Variants in SUMF1 observed in about 807,000 individuals in gnomAD.
The protein encoded by SUMF1 is formylglycine-generating enzyme.
SUMF1 carries 48 observed loss-of-function variants against 47.6 expected under a neutral mutation model. The observed-to-expected ratio is 1.01, with a 90% CI of 0.80 to 1.28. The LOEUF is 1.28. Among genes scored for constraint, SUMF1 ranks in the 50% most tolerant of loss-of-function variants. SUMF1 has a pLI of 0.00. For synonymous variants in SUMF1, 230 were observed against 192.1 expected (o/e 1.20, Z -1.63); for missense variants, 571 against 485.4 (o/e 1.18, Z -1.66).
At chr3:4,098,967 G>C (rs1559468987) in intron 8 of SUMF1, among the ~76,000 whole-genome samples, 1 of 152,046 alleles carries the variant, frequency 6.6e-6, no homozygotes, top group African/African-American at 2.4e-5. Flanking sequence ...ATGTGCTAGG[G>C]CCTCAGAAAA....
intron 8 of SUMF1, among the ~76,000 whole-genome samples, chr3:4,234,223 A>G (rs1034709475): frequency 2.0e-5 from 3 of 151,886 alleles, no homozygotes; most frequent in African/African-American, 7.2e-5. Flanking sequence ...TTAAAGTCAG[A>G]GGTTGAATAA....
At chr3:4,288,311 T>A (rs1360630772) in intron 8 of SUMF1, among the ~76,000 whole-genome samples, 11 of 152,192 alleles carry the variant, frequency 7.2e-5, no homozygotes, top group Admixed American at 7.2e-4. Flanking sequence ...AAAAATGTCA[T>A]CAGCTTTAGG....
At chr3:4,376,116 G>C (rs1160648562) in intron 8 of SUMF1, among the ~76,000 whole-genome samples, 1 of 152,210 alleles carries the variant, frequency 6.6e-6, no homozygotes, top group Non-Finnish European at 1.5e-5. Context: ...AAATTTGGTT[G>C]ACAATAGGTC....
chr3:4,215,363 C>G (rs750909495), intron 8 of SUMF1, among the ~76,000 whole-genome samples: 1 of 152,070 alleles, frequency 6.6e-6, no homozygotes, highest in Non-Finnish European at 1.5e-5. Flanking sequence ...ATGCTAAAAA[C>G]TAAATTAACT....
At chr3:4,348,739 G>T (rs889148003) in intron 8 of SUMF1, among the ~76,000 whole-genome samples, 3 of 152,014 alleles carry the variant, frequency 2.0e-5, no homozygotes, top group Non-Finnish European at 4.4e-5. Flanking sequence ...GCCAGGTGTG[G>T]TGGCACATGC....
intron 8 of SUMF1, among the ~76,000 whole-genome samples, chr3:4,094,496 T>C (rs1001353280): frequency 6.6e-6 from 1 of 152,018 alleles, no homozygotes; most frequent in Non-Finnish European, 1.5e-5. Context: ...AAAGTCATGA[T>C]GGAGAGGTCA....
chr3:4,167,118 C>G (rs2125119852), intron 8 of SUMF1, among the ~76,000 whole-genome samples: 1 of 152,194 alleles, frequency 6.6e-6, no homozygotes, highest in South Asian at 2.1e-4. Flanking sequence ...TTCATGATCT[C>G]ACTAACTTCA....
At chr3:4,253,270 G>C (rs374542028) in intron 8 of SUMF1, among the ~76,000 whole-genome samples, 2 of 152,140 alleles carry the variant, frequency 1.3e-5, no homozygotes, top group Non-Finnish European at 2.9e-5. Context: ...CAAGATGGCC[G>C]AATAGGAACA....
downstream of SUMF1, among the ~76,000 whole-genome samples, chr3:4,357,639 G>A (rs188706347): frequency 0.012 from 1,802 of 149,190 alleles, 35 homozygotes; most frequent in African/African-American, 0.042. Flanking sequence ...ACGGAGTTTC[G>A]CTCTTGTCAC....
intron 7 of SUMF1, among the ~76,000 whole-genome samples, chr3:4,409,012 T>C (rs1196543346): frequency 6.6e-6 from 1 of 151,966 alleles, no homozygotes; most frequent in Non-Finnish European, 1.5e-5. Context: ...TTAAAAAATA[T>C]TTTACACTTT....
At chr3:4,457,950 T>C (rs1223083592) in intron 1 of SUMF1, among the ~76,000 whole-genome samples, 1 of 152,138 alleles carries the variant, frequency 6.6e-6, no homozygotes, top group Non-Finnish European at 1.5e-5. Context: ...AGTGAAGAGA[T>C]ATCCCAGAAT....
chr3:4,120,615 AG>A (rs746640960), intron 8 of SUMF1, among the ~76,000 whole-genome samples: 1 of 152,098 alleles, frequency 6.6e-6, no homozygotes, highest in Non-Finnish European at 1.5e-5. Context: ...TAAGAAGGAA[AG>A]GGTCCCTCTC....
intron 1 of SUMF1, among the ~76,000 whole-genome samples, chr3:4,454,925 G>A (rs922784056): frequency 1.3e-5 from 2 of 152,212 alleles, no homozygotes; most frequent in Non-Finnish European, 2.9e-5. Context: ...GGGGGAGGCA[G>A]GAATGGGGAA....
intron 7 of SUMF1, 84 bp from the exon 8 acceptor site, chr3:4,376,473 C>T (rs1700333993): frequency 5.7e-6 from 8 of 1,402,728 alleles, no homozygotes; most frequent in Non-Finnish European, 8.1e-6. Context: ...TTTGATCCAA[C>T]CAGCTCTCTC....
intron 8 of SUMF1, among the ~76,000 whole-genome samples, chr3:4,101,179 A>G (rs1693023619): frequency 6.6e-6 from 1 of 152,134 alleles, no homozygotes; most frequent in African/African-American, 2.4e-5. Context: ...ATGTTAAAAA[A>G]AAGTCTACAT....
intron 3 of SUMF1, among the ~76,000 whole-genome samples, chr3:4,429,753 G>A (rs945426073): frequency 1.7e-4 from 26 of 152,014 alleles, no homozygotes; most frequent in African/African-American, 6.3e-4. Context: ...ACGACAGGCT[G>A]GTACTGTACC....
chr3:4,064,508 T>C (rs1036536107), intron 9 of SUMF1, among the ~76,000 whole-genome samples: 1 of 152,182 alleles, frequency 6.6e-6, no homozygotes, highest in Non-Finnish European at 1.5e-5. Context: ...GTATACTCAG[T>C]TGAGCCACCC....
In SUMF1 at chr3:4,136,584, T is replaced by C. The variant is rs1405927235; in HGVS notation, c.1015-67839A>G. Among the ~76,000 whole-genome samples the C allele has an allele frequency of 2.6e-5, 4 of 151,512 alleles. 1 individual carries two copies. The highest frequency in any genetic ancestry group is 3.9e-4 in the East Asian group (2 of 5,158). On this transcript the variant is annotated intron_variant and NMD_transcript_variant, in intron 8 of 12. Coordinates refer to the SUMF1 transcript ENST00000448413. ...GGGCAAGGACTTCATGTCTAAAACA[T>C]CAAAAGCAATGGCAACAAAAGCCAA...
chr3:4,039,208 AATTTTTTTTTTTT>A (rs1694862933), intron 9 of SUMF1, among the ~76,000 whole-genome samples: 2 of 46,186 alleles, frequency 4.3e-5, no homozygotes, highest in South Asian at 1.1e-3. Context: ...CATCTATGCA[AATTTTTTTTTTTT>A]TTTTTTTTTT....
Sources: allele counts gnomAD v4.1 joint callset (sites outside exome capture counted in the v4.1 genomes callset), GRCh38; gene constraint gnomAD v4.1.1; transcripts MANE v1.5; gene names NCBI Gene and HGNC (gene_info 2026-07-23, HGNC 2026-07-21).